Variants in NECTIN4 observed in about 807,000 individuals in gnomAD.
NECTIN4 encodes the protein nectin-4.
A neutral mutation model predicts 51.7 loss-of-function variants in NECTIN4; 19 were observed. That is an observed-to-expected ratio of 0.37 (90% confidence interval 0.26 to 0.54). The LOEUF (loss-of-function observed/expected upper bound fraction) is 0.54. Ranked by LOEUF, NECTIN4 falls within the 20% of genes least tolerant of loss-of-function variation. The pLI is 0.86. For missense variants in NECTIN4, 619 were observed against 662.4 expected (o/e 0.93, Z 0.72); for synonymous variants, 283 against 286.9 (o/e 0.99, Z 0.14).
At chr1:161,088,070 G>A (rs1465531332) in intron 1 of NECTIN4, among the ~76,000 whole-genome samples, 1 of 152,156 alleles carries the variant, frequency 6.6e-6, no homozygotes. Flanking sequence ...GATGGCAGGG[G>A]TAGGAGCTCA....
Position 161,072,947 on chromosome 1 carries a change from C to A in NECTIN4, c.1309-62G>T, listed in dbSNP as rs1653243985. 9 of 1,498,860 alleles carry A rather than the reference C, an allele frequency of 6.0e-6. No homozygotes were observed. The East Asian group carries it at 2.2e-4, about 36-fold the overall frequency. The allele number at this position is 1,498,860 out of a possible 1,614,324, so 92.8% of individuals were successfully genotyped here. A position where few individuals can be genotyped will look rare whatever the true frequency, so the allele number is the denominator to read the frequency against. ...GGCAGGGCAGCTGCACATGGTGGGGCATGGCTGGGTCATGGTGGGATCAGA... is the reference window on the plus strand; with the variant it reads ...GGCAGGGCAGCTGCACATGGTGGGGAATGGCTGGGTCATGGTGGGATCAGA... On this transcript the variant is annotated intron_variant, in intron 8 of 8. Coordinates refer to ENST00000368012, the MANE Select transcript of NECTIN4 (RefSeq NM_030916.3).
intron 4 of NECTIN4, among the ~76,000 whole-genome samples, chr1:161,076,103 A>T (rs1383741178): frequency 6.6e-6 from 1 of 152,132 alleles, no homozygotes; most frequent in African/African-American, 2.4e-5. Flanking sequence ...ATAAAAGACA[A>T]AAAATTTAAG....
At position 161,072,905 on chromosome 1, in the gene NECTIN4, G is replaced by A. The variant is rs777233029; in HGVS notation, c.1309-20C>T. 5.6e-6 allele frequency: 9 copies of A among 1,598,898 alleles called. No individual in the cohort carries two copies. In the East Asian group the frequency reaches 9.1e-5, roughly 16 times the overall value. The stretch of plus-strand genomic sequence containing the variant: ...TTCACTCTGGAGACCAAGGGCAAAG[G>A]GCAAGTCAGGAACAAAGGCAGGGCA... On this transcript the variant is annotated intron_variant, in intron 8 of 8. Transcript: ENST00000368012.
chr1:161,088,899 G>A (rs1018177426), intron 1 of NECTIN4, among the ~76,000 whole-genome samples: 1 of 151,234 alleles, frequency 6.6e-6, no homozygotes, highest in Non-Finnish European at 1.5e-5. Flanking sequence ...AGTCCCACCT[G>A]CCTGCCCATC....
intron 1 of NECTIN4, chr1:161,087,381 C>T (rs1653996051): frequency 6.6e-6 from 1 of 151,972 alleles, no homozygotes; most frequent in South Asian, 2.1e-4. Flanking sequence ...TGCATGAGGT[C>T]TAACTAGAAG....
At chr1:161,086,275 GC>G (rs1653940152) in intron 1 of NECTIN4, among the ~76,000 whole-genome samples, 1 of 152,110 alleles carries the variant, frequency 6.6e-6, no homozygotes, top group South Asian at 2.1e-4. Flanking sequence ...GCTCTCCTTG[GC>G]CCGGCCTCCT....
chr1:161,077,325 C>A (rs1346969551), intron 3 of NECTIN4, 128 bp downstream of exon 3: 7 of 893,162 alleles, frequency 7.8e-6, no homozygotes, highest in Non-Finnish European at 1.2e-5. Context: ...GACTAGTGCT[C>A]TGTCACATAC....
At chr1:161,074,885 G>A (rs921246531) in intron 4 of NECTIN4, 126 bp from the exon 5 acceptor site, 54 of 1,031,398 alleles carry the variant, frequency 5.2e-5, no homozygotes, top group Admixed American at 2.5e-4. Context: ...CTGTTCCCAC[G>A]GTGCCCCTCC....
chr1:161,074,523 C>T (rs1203430121), intron 5 of NECTIN4, 88 bp downstream of exon 5: 2 of 1,584,702 alleles, frequency 1.3e-6, no homozygotes, highest in African/African-American at 1.3e-5. Flanking sequence ...AAACACTTTC[C>T]CAATTCACTG....
At chr1:161,077,167 A>G (rs988606376) in intron 3 of NECTIN4, among the ~76,000 whole-genome samples, 5 of 152,254 alleles carry the variant, frequency 3.3e-5, no homozygotes, top group African/African-American at 1.2e-4. Flanking sequence ...TCCTAAACTA[A>G]TATTTTAGAA....
chr1:161,074,495 G>T (rs1653322895), intron 5 of NECTIN4, 116 bp downstream of exon 5: 1 of 1,572,278 alleles, frequency 6.4e-7, no homozygotes, highest in Non-Finnish European at 8.8e-7. Flanking sequence ...AAGACACACA[G>T]CCCAGCCCCC....
At chr1:161,081,478 G>A (rs1017933190) in intron 1 of NECTIN4, among the ~76,000 whole-genome samples, 2 of 152,182 alleles carry the variant, frequency 1.3e-5, no homozygotes, top group African/African-American at 4.8e-5. Context: ...ACTTATGAGG[G>A]AGACAGGGCC....
At chr1:161,088,210 G>A (rs1217745516) in intron 1 of NECTIN4, among the ~76,000 whole-genome samples, 2 of 152,116 alleles carry the variant, frequency 1.3e-5, no homozygotes, top group Admixed American at 6.5e-5. Context: ...ATGGAGGTAG[G>A]GGAATCACTG....
intron 4 of NECTIN4, among the ~76,000 whole-genome samples, chr1:161,075,999 C>G (rs1653398662): frequency 6.6e-6 from 1 of 152,072 alleles, no homozygotes; most frequent in Non-Finnish European, 1.5e-5. Context: ...CTGCTTGAAC[C>G]CAGGAGGCGG....
intron 1 of NECTIN4, 120 bp from the exon 2 acceptor site, chr1:161,080,069 G>T: frequency 8.0e-7 from 1 of 1,250,104 alleles, no homozygotes; most frequent in Non-Finnish European, 1.1e-6. Context: ...GGCTTGCAAA[G>T]CACATTCAGT....
chr1:161,081,689 A>G (rs1212284770), intron 1 of NECTIN4, among the ~76,000 whole-genome samples: 1 of 151,732 alleles, frequency 6.6e-6, no homozygotes, highest in Admixed American at 6.6e-5. Flanking sequence ...GTTGTTCCTC[A>G]CCTCTGCTCA....
intron 2 of NECTIN4, among the ~76,000 whole-genome samples, chr1:161,078,937 G>A (rs900525441): frequency 2.0e-5 from 3 of 152,052 alleles, no homozygotes; most frequent in Non-Finnish European, 4.4e-5. Flanking sequence ...GCGTGAACCC[G>A]GGAGGCGGAG....
At position 161,072,666 on chromosome 1, in the gene NECTIN4, C is replaced by A. The variant is rs1218039902; in HGVS notation, c.1528G>T (p.Val510Phe). ...GIYINGRGHLV is the reference protein window; with the variant it reads ...GIYINGRGHLF Reference sequence around the variant, plus strand: ...GGAAGGGAGGCAGGCCTGGGTCAGACCAGGTGTCCCCGCCCATTGATGTAG... The same window carrying A: ...GGAAGGGAGGCAGGCCTGGGTCAGAACAGGTGTCCCCGCCCATTGATGTAG... Residue 510 changes from valine (V) to phenylalanine (F), a missense_variant, in exon 9 of 9, where the codon GTC (valine) becomes TTC (phenylalanine). This residue lies in a region of NECTIN4 where 364 missense variants were observed against 415.7 expected (regional missense o/e 0.88). Transcript: ENST00000368012. The A allele has an allele frequency of 2.5e-6, 4 of 1,613,832 alleles. No individual in the cohort carries two copies. Among genetic ancestry groups the A allele is most frequent in the Non-Finnish European group, 3.4e-6 (4 of 1,179,792 alleles).
At chr1:161,073,384 C>T in intron 7 of NECTIN4, 85 bp from the exon 8 acceptor site, 1 of 1,152,122 alleles carries the variant, frequency 8.7e-7, no homozygotes, top group Non-Finnish European at 1.3e-6. Context: ...CACCAGCCTC[C>T]TCCCTACTTG....
Sources: allele counts gnomAD v4.1 joint callset (sites outside exome capture counted in the v4.1 genomes callset), GRCh38; gene constraint gnomAD v4.1.1; regional missense constraint gnomAD v4.1.1; transcripts MANE v1.5; gene names NCBI Gene and HGNC (gene_info 2026-07-23, HGNC 2026-07-21).